The following SLC27A1 variants were observed in gnomAD, a reference collection of about 807,000 sequenced individuals.
SLC27A1 encodes long-chain fatty acid transport protein 1.
A neutral mutation model predicts 62.2 loss-of-function variants in SLC27A1; 61 were observed. The ratio of observed to expected loss-of-function variants is 0.98; its 90% CI spans 0.80 to 1.21. SLC27A1 has a LOEUF of 1.21. Among genes scored for constraint, SLC27A1 ranks in the 50% most tolerant of loss-of-function variants. SLC27A1 has a pLI of 0.00. For missense variants in SLC27A1, 903 were observed against 932.1 expected, an observed-to-expected ratio of 0.97 and a Z score of 0.41; for synonymous variants, 435 against 408.6, an observed-to-expected ratio of 1.06 and a Z score of -0.78.
intron 6 of SLC27A1, 24 bp downstream of exon 6, chr19:17,489,141 T>G: frequency 6.3e-7 from 1 of 1,595,508 alleles, no homozygotes; most frequent in Non-Finnish European, 8.6e-7. Flanking sequence ...CTGTTCTGTC[T>G]AGACCCCGCC....
Position 17,488,922 on chromosome 19 carries a change from C to T in SLC27A1, c.869C>T (p.Pro290Leu). The part of the protein sequence containing the change: ...QAADVLYDCL[P>L]LYHSAGNIIG... ...GCTGACGTGCTCTATGACTGCCTGC[C>T]CCTGTACCACTCGGCAGGTACTACG... Residue 290 changes from proline (P) to leucine (L), a missense_variant, in exon 5 of 12, where the codon CCC (proline) becomes CTC (leucine). By Grantham distance (98) the Pro-to-Leu change is moderately conservative. Coordinates refer to ENST00000252595, the MANE Select transcript of SLC27A1 (RefSeq NM_198580.3). 3 of 1,614,130 alleles carry T rather than the reference C, an allele frequency of 1.9e-6. No individual in the cohort carries two copies. The highest frequency in any genetic ancestry group is 2.5e-6 in the Non-Finnish European group (3 of 1,180,024).
chr19:17,500,130 C>T (rs995977040), intron 7 of SLC27A1, 148 bp from the exon 8 acceptor site: 26 of 1,326,490 alleles, frequency 2.0e-5, no homozygotes, highest in Non-Finnish European at 2.5e-5. Context: ...ACGCTTACTA[C>T]CCTGCTTTTG....
chr19:17,497,682 T>G, intron 7 of SLC27A1: 1 of 607,212 alleles, frequency 1.6e-6, no homozygotes, highest in South Asian at 1.8e-5. Context: ...GTGACTGTGG[T>G]CCTTGGGTCA....
chr19:17,497,595 G>A lies in SLC27A1; in HGVS notation c.1206+131G>A, dbSNP rs779551599. The A allele has an allele frequency of 2.5e-5, 21 of 833,672 alleles. 1 individual carries two copies. Among genetic ancestry groups the A allele is most frequent in the South Asian group, 5.8e-5 (4 of 68,458 alleles). 51.6% of individuals were successfully genotyped at this position (833,672 alleles called of 1,614,324 possible). The stretch of plus-strand genomic sequence containing the variant: ...AAGGCTCCGCCAAGGCGCACGCAGG[G>A]CGGGGTGTAAGGGGAGTTCCTGGGA... On this transcript the variant is annotated intron_variant, in intron 7 of 11. Transcript: ENST00000252595.
intron 1 of SLC27A1, among the ~76,000 whole-genome samples, chr19:17,472,173 T>C (rs1021857805): frequency 1.3e-5 from 2 of 152,104 alleles, no homozygotes; most frequent in Non-Finnish European, 1.5e-5. Context: ...GGCAGGCAGA[T>C]CACGAGGTCA....
At position 17,477,932 on chromosome 19, in the gene SLC27A1, T is replaced by TC. The variant is rs528517652; in HGVS notation, c.167+7226dup. 3.1e-3 allele frequency among the ~76,000 whole-genome samples: 475 copies of TC among 152,136 alleles called. 5 individuals are homozygous for TC. Among genetic ancestry groups the TC allele is most frequent in the African/African-American group, 0.011 (454 of 41,520 alleles). On this transcript the variant is annotated intron_variant, in intron 1 of 11. Transcript: ENST00000252595. ...TCTCACTATATTGCCCAGGCTGGCCTCGAACTCCTGGCCTCAAATAGTCCC... is the reference window on the plus strand; with the variant it reads ...TCTCACTATATTGCCCAGGCTGGCCTCCGAACTCCTGGCCTCAAATAGTCCC...
chr19:17,478,466 CA>C (rs869214050), intron 1 of SLC27A1, among the ~76,000 whole-genome samples: 2,523 of 48,402 alleles, frequency 0.052, 24 homozygotes, highest in African/African-American at 0.19. Context: ...GACTCCGTCT[CA>C]AAAAAAAAAA....
chr19:17,501,672 G>C (rs1180523851), intron 11 of SLC27A1, among the ~76,000 whole-genome samples: 1 of 151,938 alleles, frequency 6.6e-6, no homozygotes, highest in East Asian at 1.9e-4. Flanking sequence ...GCACGGTTGC[G>C]GGTGCCTGTA....
intron 6 of SLC27A1, among the ~76,000 whole-genome samples, chr19:17,492,616 CAAAAA>C (rs35790162): frequency 2.8e-5 from 2 of 70,638 alleles, no homozygotes; most frequent in South Asian, 6.2e-4. Context: ...GACTCCATCT[CAAAAA>C]AAAAAAAAAA....
chr19:17,487,343 A>C lies in SLC27A1; in HGVS notation c.724+8A>C. ...CCAGCAAGGGCATGGACGGTGAGTC[A>C]AGGGTGGGACCCCTGCTCTATCAAC... On this transcript the variant is annotated splice_region_variant and intron_variant, in intron 3 of 11. Transcript: ENST00000252595. 2 of 1,604,010 alleles carry C rather than the reference A, an allele frequency of 1.2e-6. No individual in the cohort carries two copies. The highest frequency in any genetic ancestry group is 2.7e-5 in the African/African-American group (2 of 74,798).
At chr19:17,475,755 T>A (rs2075116128) in intron 1 of SLC27A1, among the ~76,000 whole-genome samples, 1 of 152,214 alleles carries the variant, frequency 6.6e-6, no homozygotes, top group Non-Finnish European at 1.5e-5. Context: ...TAACATGCCC[T>A]GTACTTCCTG....
rs1362210896 is a variant in SLC27A1 at position 17,486,708 on chromosome 19, AC to A, written c.315del (p.Phe106LeufsTer11). 1 of 1,612,088 alleles carries A rather than the reference AC, an allele frequency of 6.2e-7. No homozygotes were observed. The highest frequency in any genetic ancestry group is 1.1e-5 in the South Asian group (1 of 91,046). On this transcript the variant is annotated frameshift_variant, in exon 2 of 12. Coordinates refer to ENST00000252595, the MANE Select transcript of SLC27A1 (RefSeq NM_198580.3). LOFTEE classifies it high-confidence loss of function. This position sits in a 1 kb window ranked among gnomAD's most constrained non-coding sequence, Gnocchi z 6.6. ...LVDAGTGECW[T>X]FAQLDAYSNA... is the part of the protein sequence containing the mutation. ...GGATGCCGGGACCGGCGAGTGCTGG[AC>A]CTTTGCGCAGCTGGACGCCTACTCC...
At position 17,474,548 on chromosome 19, in the gene SLC27A1, C is replaced by G. The variant is rs143396367; in HGVS notation, c.167+3841C>G. On this transcript the variant is annotated intron_variant, in intron 1 of 11. Coordinates refer to ENST00000252595, the MANE Select transcript of SLC27A1 (RefSeq NM_198580.3). ...GTGGGTGGCAGCTTTGAAGATGGCC[C>G]CAGGGATCCCTGTCTCCTGCTCTTC... Among the ~76,000 whole-genome samples the G allele has an allele frequency of 1.2e-3, 181 of 152,164 alleles. 1 individual carries two copies. The highest frequency in any genetic ancestry group is 4.2e-3 in the African/African-American group (174 of 41,512).
chr19:17,484,058 GC>G (rs2075205511), intron 1 of SLC27A1: 1 of 152,338 alleles, frequency 6.6e-6, no homozygotes, highest in Non-Finnish European at 1.5e-5. Context: ...AGAGGGTGGG[GC>G]CTGGTGGTCT....
At position 17,487,148 on chromosome 19, in the gene SLC27A1, CATGACCCATGTGT is replaced by C. The variant is rs1207822163; in HGVS notation, c.563-25_563-13del. On this transcript the variant is annotated splice_polypyrimidine_tract_variant and intron_variant, in intron 2 of 11. Coordinates refer to ENST00000252595, the MANE Select transcript of SLC27A1 (RefSeq NM_198580.3). ...GGGAGGGGGCCTGTCCGGCGGTGAC[CATGACCCATGTGT>C]TGGGGACCACAGCGGTGGCCGAAGT... The C allele has an allele frequency of 1.3e-5, 21 of 1,613,664 alleles. No individual in the cohort carries two copies. The highest frequency in any genetic ancestry group is 1.5e-5 in the Non-Finnish European group (18 of 1,179,942).
Position 17,505,773 on chromosome 19 carries a change from G to C in SLC27A1, c.*1161G>C, listed in dbSNP as rs1200271157. On this transcript the variant is annotated 3_prime_UTR_variant, in exon 12 of 12. Transcript: ENST00000252595. ...GTCTACTGGAGGGTCCCACAGGAGA[G>C]GCAGCAGAGGGGTCAGGGGAGGTCT... 1 of 152,610 alleles carries C rather than the reference G, an allele frequency of 6.6e-6. No homozygotes were observed. Among genetic ancestry groups the C allele is most frequent in the East Asian group, 1.9e-4 (1 of 5,208 alleles). 9.5% of individuals were successfully genotyped at this position (152,610 alleles called of 1,614,324 possible). A position where few individuals can be genotyped will look rare whatever the true frequency, so the allele number is the denominator to read the frequency against.
intron 1 of SLC27A1, among the ~76,000 whole-genome samples, chr19:17,472,452 G>A (rs926796872): frequency 1.3e-5 from 2 of 151,324 alleles, no homozygotes; most frequent in Non-Finnish European, 2.9e-5. Context: ...CATTGCGCAC[G>A]AGGTCCCTGA....
At chr19:17,497,627 G>A (rs1416582182) in intron 7 of SLC27A1, 163 bp downstream of exon 7, 17 of 678,916 alleles carry the variant, frequency 2.5e-5, no homozygotes, top group Non-Finnish European at 2.6e-5. Context: ...GGGACTCCCG[G>A]TGCACCACCA....
intron 6 of SLC27A1, among the ~76,000 whole-genome samples, chr19:17,494,320 G>GCCACAGGTAGC (rs2075326326): frequency 2.0e-5 from 3 of 149,682 alleles, no homozygotes; most frequent in Non-Finnish European, 3.0e-5. Context: ...ACCGTGCCTG[G>GCCACAGGTAGC]CCTTTTTCTT....
Sources: allele counts gnomAD v4.1 joint callset (sites outside exome capture counted in the v4.1 genomes callset), GRCh38; gene constraint gnomAD v4.1.1; non-coding constraint Gnocchi (gnomAD v3.1); transcripts MANE v1.5; gene names NCBI Gene and HGNC (gene_info 2026-07-23, HGNC 2026-07-21).